The following CLSTN2 variants were observed in gnomAD, a reference collection of about 807,000 sequenced individuals.
The protein encoded by CLSTN2 is calsyntenin 2.
In CLSTN2, 48 loss-of-function variants were observed where a neutral mutation model predicts 101.2. The ratio of observed to expected loss-of-function variants is 0.47; its 90% confidence interval spans 0.38 to 0.60. The LOEUF is 0.60. Ranked by LOEUF, CLSTN2 falls within the 20% of genes least tolerant of loss-of-function variation. The pLI is 0.00. For synonymous variants in CLSTN2, 481 were observed against 463.6 expected (o/e 1.04, Z -0.48); for missense variants, 1,160 against 1,238.2 (o/e 0.94, Z 0.95).
chr3:140,373,135 C>T (rs2087877110), intron 2 of CLSTN2, among the ~76,000 whole-genome samples: 1 of 152,138 alleles, frequency 6.6e-6, no homozygotes, highest in Non-Finnish European at 1.5e-5. Flanking sequence ...GTTAAGAAAC[C>T]TGTTTTTAAC....
At chr3:140,255,486 A>G (rs775463036) in intron 2 of CLSTN2, among the ~76,000 whole-genome samples, 19 of 152,186 alleles carry the variant, frequency 1.2e-4, no homozygotes, top group Non-Finnish European at 2.1e-4. Flanking sequence ...ACGACAAATC[A>G]TGTCCTTAAC....
At chr3:140,111,707 G>A (rs2009158790) in intron 1 of CLSTN2, among the ~76,000 whole-genome samples, 1 of 152,048 alleles carries the variant, frequency 6.6e-6, no homozygotes, top group Non-Finnish European at 1.5e-5. Flanking sequence ...AAAATGGCCC[G>A]TCTCTTCAAG....
chr3:140,573,758 GA>G lies in CLSTN2; in HGVS notation c.*7507del, dbSNP rs1985640721. 6.6e-6 allele frequency: 1 copy of G among 152,254 alleles called. No homozygotes were observed. The highest frequency in any genetic ancestry group is 2.1e-4 in the South Asian group (1 of 4,816). The allele number at this position is 152,254 out of a possible 1,614,324, so 9.4% of individuals were successfully genotyped here. On this transcript the variant is annotated 3_prime_UTR_variant, in exon 17 of 17. Coordinates refer to ENST00000458420, the MANE Select transcript of CLSTN2 (RefSeq NM_022131.3). Reference sequence around the variant, plus strand: ...CTAGCACCATCTGTTGAGTTCTGAAGAACCCAGATTCTCTCCTGCTCACAGC... The same window carrying G: ...CTAGCACCATCTGTTGAGTTCTGAAGACCCAGATTCTCTCCTGCTCACAGC...
At chr3:140,214,164 G>A (rs2010892938) in intron 2 of CLSTN2, among the ~76,000 whole-genome samples, 1 of 152,038 alleles carries the variant, frequency 6.6e-6, no homozygotes, top group African/African-American at 2.4e-5. Context: ...AATAGGCTAG[G>A]CATGGTGGCT....
At chr3:140,036,543 A>G (rs1000041169) in intron 1 of CLSTN2, among the ~76,000 whole-genome samples, 4 of 149,138 alleles carry the variant, frequency 2.7e-5, no homozygotes, top group African/African-American at 1.0e-4. Flanking sequence ...ATATGTAGGT[A>G]AAAAGCCCAA....
intron 8 of CLSTN2, among the ~76,000 whole-genome samples, chr3:140,499,340 C>A (rs1934525925): frequency 6.6e-6 from 1 of 152,200 alleles, no homozygotes; most frequent in Non-Finnish European, 1.5e-5. Flanking sequence ...TAAAAATAAT[C>A]TACCTTTCTG....
chr3:140,508,945 G>A (rs188651982), intron 8 of CLSTN2, among the ~76,000 whole-genome samples: 28 of 152,154 alleles, frequency 1.8e-4, no homozygotes, highest in African/African-American at 5.8e-4. Flanking sequence ...ACAGGTAAGA[G>A]GAGTCCTCAT....
chr3:140,331,135 C>G (rs1227534206), intron 2 of CLSTN2, among the ~76,000 whole-genome samples: 1 of 152,108 alleles, frequency 6.6e-6, no homozygotes, highest in Admixed American at 6.6e-5. Context: ...GTACTGAGAG[C>G]CCCCAGGAGG....
intron 2 of CLSTN2, among the ~76,000 whole-genome samples, chr3:140,367,897 T>A (rs551376972): frequency 6.6e-6 from 1 of 152,250 alleles, no homozygotes; most frequent in South Asian, 2.1e-4. Flanking sequence ...TGGAGCAAAG[T>A]GAGTGCTTGG....
chr3:139,977,101 G>T (rs1190033388), intron 1 of CLSTN2, among the ~76,000 whole-genome samples: 1 of 152,156 alleles, frequency 6.6e-6, no homozygotes, highest in Admixed American at 6.5e-5. Flanking sequence ...GCCTGCCAGT[G>T]CTAGCATTTG....
chr3:140,430,708 G>A (rs2088619092), intron 5 of CLSTN2, among the ~76,000 whole-genome samples: 1 of 152,160 alleles, frequency 6.6e-6, no homozygotes, highest in African/African-American at 2.4e-5. Context: ...TGAAAGAATG[G>A]GAGATCAAAT....
chr3:140,023,638 CA>C (rs1360215415), intron 1 of CLSTN2, among the ~76,000 whole-genome samples: 1 of 152,168 alleles, frequency 6.6e-6, no homozygotes, highest in African/African-American at 2.4e-5. Context: ...GTGTCCCCAG[CA>C]CACTGGGGCA....
At chr3:140,087,212 C>G (rs752223139) in intron 1 of CLSTN2, among the ~76,000 whole-genome samples, 3 of 152,010 alleles carry the variant, frequency 2.0e-5, no homozygotes, top group Non-Finnish European at 2.9e-5. Context: ...GTCCATTTAA[C>G]CTTTGCTGAA....
chr3:140,469,489 T>G (rs1313374376), intron 8 of CLSTN2, among the ~76,000 whole-genome samples: 5 of 152,124 alleles, frequency 3.3e-5, no homozygotes, highest in Admixed American at 2.6e-4. Context: ...TGTAAATCAC[T>G]TGATGCCCAG....
chr3:140,078,389 C>G (rs1211586451), intron 1 of CLSTN2, among the ~76,000 whole-genome samples: 1 of 152,134 alleles, frequency 6.6e-6, no homozygotes, highest in African/African-American at 2.4e-5. Flanking sequence ...GAACTGAGCT[C>G]TATTTTTGCC....
intron 1 of CLSTN2, among the ~76,000 whole-genome samples, chr3:139,970,851 T>C (rs983732823): frequency 6.6e-6 from 1 of 152,150 alleles, no homozygotes; most frequent in African/African-American, 2.4e-5. Flanking sequence ...TTATATGTAA[T>C]GATGGGATTC....
At chr3:140,343,953 C>CGTTCTGGGTAGTTT (rs1647127244) in intron 2 of CLSTN2, among the ~76,000 whole-genome samples, 1 of 152,164 alleles carries the variant, frequency 6.6e-6, no homozygotes, top group African/African-American at 2.4e-5. Flanking sequence ...GTGCCAGGCA[C>CGTTCTGGGTAGTTT]GGATGACTAC....
intron 2 of CLSTN2, among the ~76,000 whole-genome samples, chr3:140,381,036 C>G (rs1418352744): frequency 6.6e-6 from 1 of 152,190 alleles, no homozygotes; most frequent in African/African-American, 2.4e-5. Flanking sequence ...GCCCTGAAGG[C>G]TAGAAGTCTG....
At chr3:140,158,353 A>G (rs961853228) in intron 1 of CLSTN2, among the ~76,000 whole-genome samples, 1 of 152,224 alleles carries the variant, frequency 6.6e-6, no homozygotes, top group African/African-American at 2.4e-5. Context: ...ACTTTTTTCC[A>G]TGATACAAAA....
Sources: gnomAD v4.1 joint callset for allele counts (sites outside exome capture counted in the v4.1 genomes callset) on GRCh38, gnomAD v4.1.1 for gene constraint, MANE v1.5 for transcripts, NCBI Gene and HGNC (gene_info 2026-07-23, HGNC 2026-07-21) for gene names.